Variants in PTPRT observed in about 807,000 individuals in gnomAD.
PTPRT encodes protein tyrosine phosphatase receptor type T, also known as receptor-type tyrosine-protein phosphatase T.
A neutral mutation model predicts 176.8 loss-of-function variants in PTPRT; 56 were observed. The ratio of observed to expected loss-of-function variants is 0.32; its 90% CI spans 0.26 to 0.40. PTPRT has a LOEUF of 0.40. Among genes scored for constraint, PTPRT ranks in the 10% least tolerant of loss-of-function variants. The pLI, the probability that PTPRT is intolerant of heterozygous loss-of-function variation, is 1.00. For missense variants in PTPRT, 1,540 were observed against 1,908.2 expected, an observed-to-expected ratio of 0.81 and a Z score of 3.60; for synonymous variants, 783 against 739.0, an observed-to-expected ratio of 1.06 and a Z score of -0.96.
At chr20:42,743,145 C>T (rs1340834937) in intron 6 of PTPRT, among the ~76,000 whole-genome samples, 2 of 152,204 alleles carry the variant, frequency 1.3e-5, no homozygotes, top group African/African-American at 2.4e-5. Flanking sequence ...CTGCCTGCTC[C>T]GTACCACCAG....
intron 2 of PTPRT, among the ~76,000 whole-genome samples, chr20:42,807,376 T>C (rs1378483331): frequency 1.3e-5 from 2 of 152,178 alleles, no homozygotes; most frequent in African/African-American, 4.8e-5. Flanking sequence ...TTTTGTGCTG[T>C]TCTCATGGGA....
At chr20:42,836,371 C>G (rs1337154013) in intron 2 of PTPRT, among the ~76,000 whole-genome samples, 1 of 152,214 alleles carries the variant, frequency 6.6e-6, no homozygotes, top group Non-Finnish European at 1.5e-5. Flanking sequence ...GTGCCACCAC[C>G]TGGTCTGTGT....
intron 7 of PTPRT, among the ~76,000 whole-genome samples, chr20:42,496,925 C>T (rs1336247103): frequency 1.3e-5 from 2 of 152,008 alleles, no homozygotes; most frequent in Admixed American, 6.6e-5. Context: ...GAATTAGAGA[C>T]GTTGTGTTTG....
chr20:42,967,365 G>A (rs944318313), intron 1 of PTPRT, among the ~76,000 whole-genome samples: 2 of 152,066 alleles, frequency 1.3e-5, no homozygotes, highest in Admixed American at 6.6e-5. Flanking sequence ...ATCCAGTAAC[G>A]AGTGTCCTTA....
At chr20:42,476,990 C>T (rs909395652) in intron 7 of PTPRT, among the ~76,000 whole-genome samples, 8 of 152,186 alleles carry the variant, frequency 5.3e-5, no homozygotes, top group African/African-American at 1.2e-4. Context: ...TAGCCCCTTC[C>T]CCCTTCTCCT....
At chr20:42,282,669 T>A (rs1262059325) in intron 12 of PTPRT, 144 bp from the exon 13 acceptor site, 1 of 663,590 alleles carries the variant, frequency 1.5e-6, no homozygotes, top group Admixed American at 3.5e-5. Context: ...CCTTTCCATT[T>A]TTTTCCCCAT....
intron 3 of PTPRT, among the ~76,000 whole-genome samples, chr20:42,783,375 C>CAAAA (rs11321200): frequency 6.8e-5 from 10 of 146,288 alleles, no homozygotes; most frequent in African/African-American, 2.6e-4. Flanking sequence ...TGAGAATCAA[C>CAAAA]AAAAAAAAAA....
intron 16 of PTPRT, among the ~76,000 whole-genome samples, chr20:42,169,787 CACACAA>C (rs759561089): frequency 0.018 from 2,499 of 137,274 alleles, 36 homozygotes; most frequent in Admixed American, 0.027. Flanking sequence ...CACACACACA[CACACAA>C]CAGTCAGTAT....
intron 1 of PTPRT, among the ~76,000 whole-genome samples, chr20:43,013,249 T>G (rs1985216652): frequency 6.6e-6 from 1 of 152,152 alleles, no homozygotes; most frequent in African/African-American, 2.4e-5. Flanking sequence ...GAACCTGAGC[T>G]AACGAAGTGT....
chr20:42,798,418 C>G (rs914568063), intron 2 of PTPRT, among the ~76,000 whole-genome samples: 1 of 152,102 alleles, frequency 6.6e-6, no homozygotes, highest in African/African-American at 2.4e-5. Context: ...GATAGTGCTA[C>G]CAGTATTACC....
At chr20:42,322,237 T>C (rs1389399484) in intron 11 of PTPRT, among the ~76,000 whole-genome samples, 4 of 151,562 alleles carry the variant, frequency 2.6e-5, no homozygotes, top group South Asian at 4.2e-4. Context: ...AATGACTTTC[T>C]TCACAGAATT....
intron 8 of PTPRT, among the ~76,000 whole-genome samples, chr20:42,455,956 A>C (rs1017580825): frequency 2.0e-5 from 3 of 152,018 alleles, no homozygotes; most frequent in African/African-American, 7.2e-5. Context: ...CTTTTCAAAA[A>C]ATGTTTGGTT....
intron 1 of PTPRT, among the ~76,000 whole-genome samples, chr20:43,081,002 C>T (rs2146287580): frequency 6.6e-6 from 1 of 152,290 alleles, no homozygotes; most frequent in Non-Finnish European, 1.5e-5. Context: ...GGGATAAATC[C>T]AGTGATATAT....
At chr20:42,240,291 G>A (rs1431385744) in intron 14 of PTPRT, among the ~76,000 whole-genome samples, 1 of 152,066 alleles carries the variant, frequency 6.6e-6, no homozygotes, top group Non-Finnish European at 1.5e-5. Flanking sequence ...AGTATCACAG[G>A]TCTTTATTCT....
intron 22 of PTPRT, among the ~76,000 whole-genome samples, chr20:42,113,072 A>G (rs1342430313): frequency 6.6e-6 from 1 of 152,208 alleles, no homozygotes; most frequent in East Asian, 1.9e-4. Flanking sequence ...TTCCCAGCTC[A>G]GGAACCGATT....
chr20:42,144,876 G>A (rs954325250), intron 17 of PTPRT, among the ~76,000 whole-genome samples: 4 of 152,158 alleles, frequency 2.6e-5, no homozygotes, highest in Non-Finnish European at 5.9e-5. Flanking sequence ...TAAGCAAGGA[G>A]GAACCTGAAC....
chr20:42,090,176 G>A (rs1050787866), intron 27 of PTPRT, among the ~76,000 whole-genome samples: 4 of 152,160 alleles, frequency 2.6e-5, no homozygotes, highest in African/African-American at 7.2e-5. Flanking sequence ...CTCAATTAAT[G>A]TAAGCTGTGA....
chr20:42,833,580 C>G (rs2078131014), intron 2 of PTPRT, among the ~76,000 whole-genome samples: 2 of 151,424 alleles, frequency 1.3e-5, no homozygotes, highest in African/African-American at 4.9e-5. Context: ...GAGGCCCCAT[C>G]TCATTTAAGG....
chr20:42,715,655 A>G (rs986003481), intron 6 of PTPRT, among the ~76,000 whole-genome samples: 8 of 152,158 alleles, frequency 5.3e-5, no homozygotes, highest in Admixed American at 5.2e-4. Context: ...AGACTTTGCA[A>G]CCCGTGACAG....
Sources: gnomAD v4.1 joint callset for allele counts (sites outside exome capture counted in the v4.1 genomes callset) on GRCh38, gnomAD v4.1.1 for gene constraint, MANE v1.5 for transcripts, NCBI Gene and HGNC (gene_info 2026-07-23, HGNC 2026-07-21) for gene names.